AEBP2: variants seen among roughly 807,000 people sequenced by gnomAD.
AEBP2 encodes the protein AE binding protein 2, also known as zinc finger protein AEBP2.
A neutral mutation model predicts 50.8 loss-of-function variants in AEBP2; 10 were observed. That is an observed-to-expected ratio of 0.20 (90% CI 0.12 to 0.33). The LOEUF is 0.33. AEBP2 is among the 10% of genes least tolerant of loss of function. The pLI, the probability that AEBP2 is intolerant of heterozygous loss-of-function variation, is 1.00. For missense variants in AEBP2, 570 were observed against 688.0 expected, an observed-to-expected ratio of 0.83 and a Z score of 1.92; for synonymous variants, 296 against 261.3, an observed-to-expected ratio of 1.13 and a Z score of -1.28.
intron 4 of AEBP2, 50 bp from the exon 5 acceptor site, chr12:19,500,047 T>C (rs1034278648): frequency 2.0e-6 from 3 of 1,477,938 alleles, no homozygotes; most frequent in African/African-American, 2.8e-5. Context: ...TTATTACTTA[T>C]TACTGTTATG....
intron 2 of AEBP2, among the ~76,000 whole-genome samples, chr12:19,464,328 A>C (rs1307536227): frequency 6.6e-6 from 1 of 152,032 alleles, no homozygotes; most frequent in East Asian, 1.9e-4. Flanking sequence ...CTTGGTATAT[A>C]CCATTTTTGA....
intron 4 of AEBP2, 95 bp from the exon 5 acceptor site, chr12:19,500,002 A>G (rs137870569): frequency 9.8e-5 from 111 of 1,127,860 alleles, no homozygotes; most frequent in East Asian, 3.7e-4. Flanking sequence ...TTTAAATACT[A>G]TTGATAGATA....
chr12:19,476,372 C>T (rs184078833), intron 3 of AEBP2, among the ~76,000 whole-genome samples: 9 of 152,178 alleles, frequency 5.9e-5, no homozygotes, highest in Admixed American at 1.3e-4. Context: ...GACTGAGTCT[C>T]GCTCTGTCAC....
chr12:19,407,198 T>G (rs1440053594), intron 1 of AEBP2, among the ~76,000 whole-genome samples: 1 of 152,130 alleles, frequency 6.6e-6, no homozygotes, highest in Non-Finnish European at 1.5e-5. Context: ...CTCCGGAGGC[T>G]AAGGTGGGAA....
chr12:19,487,633 C>G (rs181835376), intron 3 of AEBP2, among the ~76,000 whole-genome samples: 5 of 151,806 alleles, frequency 3.3e-5, no homozygotes, highest in African/African-American at 1.2e-4. Flanking sequence ...CAGGAGAATC[C>G]CTTGAAGCTG....
chr12:19,421,607 G>C (rs920621120), intron 1 of AEBP2, among the ~76,000 whole-genome samples: 13 of 152,148 alleles, frequency 8.5e-5, no homozygotes, highest in Non-Finnish European at 1.5e-4. Flanking sequence ...GGATTACAGA[G>C]TGAGACTCTG....
chr12:19,440,608 C>T, intron 1 of AEBP2: 2 of 1,479,376 alleles, frequency 1.4e-6, no homozygotes, highest in East Asian at 2.5e-5. Flanking sequence ...CCTCTTTCCC[C>T]TCGGCGCTTC....
At chr12:19,468,097 A>T (rs535874995) in intron 2 of AEBP2, among the ~76,000 whole-genome samples, 1 of 146,298 alleles carries the variant, frequency 6.8e-6, no homozygotes, top group South Asian at 2.2e-4. Flanking sequence ...GGTACCGTGG[A>T]ATCATCCATC....
At position 19,439,683 on chromosome 12, in the gene AEBP2, G is replaced by GAGGAGGAGC; in HGVS notation, c.-12_-11insGAGCAGGAG. ...CGGCGGTGGGGAGGAGGAGGAGGAG[G>GAGGAGGAGC]AGGAGCAGGCGCCGCCATGGCCGCC... is the stretch of plus-strand genomic sequence containing the variant. On this transcript the variant is annotated 5_prime_UTR_variant, in exon 1 of 8. Transcript: ENST00000266508. The GAGGAGGAGC allele has an allele frequency of 2.6e-6, 4 of 1,517,440 alleles. No individual in the cohort carries two copies. The highest frequency in any genetic ancestry group is 3.5e-6 in the Non-Finnish European group (4 of 1,138,772). 94.0% of individuals were successfully genotyped at this position (1,517,440 alleles called of 1,614,324 possible).
At chr12:19,416,304 A>G (rs1303943289) in intron 1 of AEBP2, among the ~76,000 whole-genome samples, 2 of 152,252 alleles carry the variant, frequency 1.3e-5, no homozygotes, top group Non-Finnish European at 2.9e-5. Flanking sequence ...TAGGATTTGC[A>G]TATAATTGGT....
At chr12:19,517,854 A>C (rs1053640095) in intron 7 of AEBP2, among the ~76,000 whole-genome samples, 1 of 152,358 alleles carries the variant, frequency 6.6e-6, no homozygotes, top group Admixed American at 6.5e-5. Context: ...TGTATTACAC[A>C]TGGAATTCTT....
chr12:19,450,096 G>A (rs1326807767), intron 1 of AEBP2, among the ~76,000 whole-genome samples: 2 of 152,146 alleles, frequency 1.3e-5, no homozygotes, highest in Non-Finnish European at 2.9e-5. Context: ...CACCACCGCA[G>A]TTTTGAAAGC....
chr12:19,514,148 C>T (rs1271297890), intron 6 of AEBP2, among the ~76,000 whole-genome samples: 3 of 151,648 alleles, frequency 2.0e-5, no homozygotes, highest in Non-Finnish European at 2.9e-5. Flanking sequence ...TACAGGTGTG[C>T]GCCACCATGC....
intron 2 of AEBP2, among the ~76,000 whole-genome samples, chr12:19,463,622 C>T (rs1321320133): frequency 6.7e-6 from 1 of 150,182 alleles, no homozygotes; most frequent in Non-Finnish European, 1.5e-5. Flanking sequence ...AAACATCCAA[C>T]CGGGTCAACG....
At chr12:19,410,934 C>T (rs138276570) in intron 1 of AEBP2, among the ~76,000 whole-genome samples, 3 of 152,218 alleles carry the variant, frequency 2.0e-5, no homozygotes, top group East Asian at 1.9e-4. Flanking sequence ...TGCTAAAATG[C>T]GTAATTGGTT....
In AEBP2 at chr12:19,477,949, C is replaced by T. The variant is rs542785218; in HGVS notation, c.987+4594C>T. Among the ~76,000 whole-genome samples the T allele has an allele frequency of 1.0e-3, 156 of 152,304 alleles. 1 individual carries two copies. The highest frequency in any genetic ancestry group is 3.6e-3 in the African/African-American group (149 of 41,564). On this transcript the variant is annotated intron_variant, in intron 3 of 7. Transcript: ENST00000266508. ...TATTTCCCAGAGTTTATCCTCTCCT[C>T]TACATTTTCTACTTCGTGCATGTAA...
At chr12:19,430,285 T>A (rs2095750756) in intron 1 of AEBP2, among the ~76,000 whole-genome samples, 1 of 152,196 alleles carries the variant, frequency 6.6e-6, no homozygotes, top group South Asian at 2.1e-4. Flanking sequence ...CAGATAGTTG[T>A]AGATATGTGG....
intron 1 of AEBP2, among the ~76,000 whole-genome samples, chr12:19,459,284 T>C (rs1186762231): frequency 1.3e-5 from 2 of 151,980 alleles, no homozygotes; most frequent in Non-Finnish European, 2.9e-5. Flanking sequence ...CAGGCTGGAG[T>C]GCAGTGGTGC....
rs555758550 is a variant in AEBP2, at chr12:19,412,982, G to A, written c.-17+8766G>A. Among the ~76,000 whole-genome samples, 6 of 152,314 alleles carry A rather than the reference G, an allele frequency of 3.9e-5. 1 individual carries two copies. The South Asian group carries it at 1.2e-3, about 32-fold the overall frequency. On this transcript the variant is annotated intron_variant, in intron 1 of 3. Coordinates refer to the AEBP2 transcript ENST00000538425. ...GCCCAGGAGGCTCGCGGCAGGGGCTGCCACATGCAGGACCTGCCCCGGCGT... is the reference window on the plus strand; with the variant it reads ...GCCCAGGAGGCTCGCGGCAGGGGCTACCACATGCAGGACCTGCCCCGGCGT...
Sources: gnomAD v4.1 joint callset for allele counts (sites outside exome capture counted in the v4.1 genomes callset) on GRCh38, gnomAD v4.1.1 for gene constraint, MANE v1.5 for transcripts, NCBI Gene and HGNC (gene_info 2026-07-23, HGNC 2026-07-21) for gene names.